The following CDH1 variants were observed in gnomAD, a reference collection of about 807,000 sequenced individuals.
CDH1 encodes the protein cadherin-1.
Under a neutral mutation model 84.5 loss-of-function variants are expected in CDH1, and 35 were observed. The ratio of observed to expected loss-of-function variants is 0.41; its 90% CI spans 0.32 to 0.55. The LOEUF is 0.55. CDH1 is among the 20% of genes least tolerant of loss of function. The probability of loss-of-function intolerance (pLI) is 0.19; values close to 1 mark genes in which losing one functional copy is unlikely to be tolerated. For synonymous variants in CDH1, 417 were observed against 439.0 expected (o/e 0.95, Z 0.63); for missense variants, 994 against 1,126.6 (o/e 0.88, Z 1.68).
rs1959600454 is a variant in CDH1 at position 68,772,299 on chromosome 16, G to T, written c.164-29371G>T. Among the ~76,000 whole-genome samples the T allele has an allele frequency of 2.0e-5, 3 of 152,236 alleles. No homozygotes were observed. In the South Asian group the frequency reaches 6.2e-4, roughly 32 times the overall value. On this transcript the variant is annotated intron_variant, in intron 2 of 15. Transcript: ENST00000261769. ...CTTCGTGCCATGCATGGAAGGGCGGGGCTCCATTAGAACTTGGAAGCTTCC... is the reference window on the plus strand; with the variant it reads ...CTTCGTGCCATGCATGGAAGGGCGGTGCTCCATTAGAACTTGGAAGCTTCC...
At chr16:68,749,901 A>G (rs1214852219) in intron 2 of CDH1, among the ~76,000 whole-genome samples, 1 of 152,170 alleles carries the variant, frequency 6.6e-6, no homozygotes, top group Non-Finnish European at 1.5e-5. Flanking sequence ...TCTAAAGGAA[A>G]CGAATTCCCT....
Position 68,819,276 on chromosome 16 carries a change from T to C in CDH1, c.1566-4T>C, listed in dbSNP as rs1369028200. ...TCTAAAAGCCAGAGCTTGTCCCCGT[T>C]CAGATATCGGATTTGGAGAGACACT... On this transcript the variant is annotated splice_polypyrimidine_tract_variant and splice_region_variant and intron_variant, in intron 10 of 15. Coordinates refer to ENST00000261769, the MANE Select transcript of CDH1 (RefSeq NM_004360.5). 6.2e-7 allele frequency: 1 copy of C among 1,614,224 alleles called. No homozygotes were observed.
At chr16:68,815,837 A>G (rs1960974922) in intron 10 of CDH1, 78 bp downstream of exon 10, 1 of 1,499,284 alleles carries the variant, frequency 6.7e-7, no homozygotes, top group East Asian at 2.3e-5. Flanking sequence ...AATAATATGT[A>G]CTTCATGGCA....
intron 2 of CDH1, among the ~76,000 whole-genome samples, chr16:68,777,294 G>A (rs1597867754): frequency 6.6e-6 from 1 of 152,296 alleles, no homozygotes; most frequent in African/African-American, 2.4e-5. Context: ...TAAGTTATGT[G>A]ACCTTGGGCA....
intron 8 of CDH1, among the ~76,000 whole-genome samples, 197 bp downstream of exon 8, chr16:68,812,460 A>G (rs554007292): frequency 6.6e-6 from 1 of 152,384 alleles, no homozygotes; most frequent in South Asian, 2.1e-4. Flanking sequence ...CCTGGGGCCA[A>G]TTGGTGCAAG....
At chr16:68,774,380 C>T (rs12708889) in intron 2 of CDH1, among the ~76,000 whole-genome samples, 42,601 of 151,920 alleles carry the variant, frequency 0.28, 6,083 homozygotes, top group Middle Eastern at 0.33. Flanking sequence ...ATTAGCTGGG[C>T]GTGGCGGTGG....
At chr16:68,827,935 A>G (rs1298669475) in intron 13 of CDH1, among the ~76,000 whole-genome samples, 1 of 152,140 alleles carries the variant, frequency 6.6e-6, no homozygotes, top group Non-Finnish European at 1.5e-5. Flanking sequence ...TTTAAAACCC[A>G]TCTGAAAGTT....
chr16:68,798,776 G>C (rs1960425828), intron 2 of CDH1, among the ~76,000 whole-genome samples: 1 of 152,112 alleles, frequency 6.6e-6, no homozygotes, highest in South Asian at 2.1e-4. Flanking sequence ...TACTTCTGCT[G>C]GGGGTGGGGG....
intron 2 of CDH1, among the ~76,000 whole-genome samples, chr16:68,765,864 G>A (rs993498064): frequency 4.6e-5 from 7 of 151,856 alleles, no homozygotes; most frequent in African/African-American, 1.5e-4. Context: ...TCAAATAATC[G>A]AAGACCCTTC....
At chr16:68,787,416 T>G (rs925840044) in intron 2 of CDH1, among the ~76,000 whole-genome samples, 1 of 152,104 alleles carries the variant, frequency 6.6e-6, no homozygotes, top group Non-Finnish European at 1.5e-5. Context: ...AACATAGGAG[T>G]CAATGTAAAG....
At position 68,738,338 on chromosome 16, in the gene CDH1, T is replaced by C. The variant is rs1555509766; in HGVS notation, c.90T>C (p.Pro30=). 4 of 1,548,720 alleles carry C rather than the reference T, an allele frequency of 2.6e-6. No individual in the cohort carries two copies. The South Asian group carries it at 3.6e-5, about 14-fold the overall frequency. The change falls in exon 2 of 16, where the codon CCT becomes CCC. Residue 30 remains proline, a synonymous_variant. Coordinates refer to ENST00000261769, the MANE Select transcript of CDH1 (RefSeq NM_004360.5). ...GCCAGGAGCCGGAGCCCTGCCACCC[T>C]GGCTTTGACGCCGAGAGCTACACGT... The part of the protein sequence containing the change: ...WLCQEPEPCH[P]GFDAESYTFT...
intron 9 of CDH1, among the ~76,000 whole-genome samples, chr16:68,813,814 C>G (rs1960911520): frequency 6.6e-6 from 1 of 152,100 alleles, no homozygotes; most frequent in Non-Finnish European, 1.5e-5. Flanking sequence ...TGCCTGTAAT[C>G]TCAGCTACTA....
chr16:68,813,761 G>A (rs561716031), intron 9 of CDH1, among the ~76,000 whole-genome samples: 1 of 152,218 alleles, frequency 6.6e-6, no homozygotes, highest in East Asian at 1.9e-4. Flanking sequence ...AGGAGTTTGA[G>A]TCTCTGCTAA....
At chr16:68,826,170 G>A (rs1173611799) in intron 13 of CDH1, among the ~76,000 whole-genome samples, 1 of 151,596 alleles carries the variant, frequency 6.6e-6, no homozygotes, top group African/African-American at 2.4e-5. Flanking sequence ...TTTTTAAATA[G>A]GATTACCTAA....
chr16:68,783,198 AC>A (rs1191903096), intron 2 of CDH1, among the ~76,000 whole-genome samples: 2 of 151,906 alleles, frequency 1.3e-5, no homozygotes, highest in African/African-American at 4.8e-5. Flanking sequence ...GGAGTTCGAG[AC>A]CAGCCTGGGT....
At chr16:68,829,937 CTTT>C (rs1270653071) in intron 15 of CDH1, 140 bp downstream of exon 15, 19 of 741,430 alleles carry the variant, frequency 2.6e-5, no homozygotes, top group Non-Finnish European at 3.3e-5. Context: ...CCCTGTTTTC[CTTT>C]TTCTTTTTTT....
chr16:68,793,268 G>T (rs1487462000), intron 2 of CDH1, among the ~76,000 whole-genome samples: 1 of 152,194 alleles, frequency 6.6e-6, no homozygotes, highest in East Asian at 1.9e-4. Context: ...TTTTGAAACT[G>T]GAGTATAGTG....
At chr16:68,817,910 G>A (rs1041711496) in intron 10 of CDH1, among the ~76,000 whole-genome samples, 4 of 151,902 alleles carry the variant, frequency 2.6e-5, no homozygotes, top group East Asian at 1.9e-4. Context: ...CCATATATTC[G>A]ACAATAGAAT....
chr16:68,829,532 A>G, intron 14 of CDH1, 122 bp from the exon 15 acceptor site: 4 of 992,806 alleles, frequency 4.0e-6, no homozygotes, highest in Non-Finnish European at 6.2e-6. Context: ...TTAAACTGGT[A>G]AAGATCATAC....
Sources: gnomAD v4.1 joint callset for allele counts (sites outside exome capture counted in the v4.1 genomes callset) on GRCh38, gnomAD v4.1.1 for gene constraint, MANE v1.5 for transcripts, NCBI Gene and HGNC (gene_info 2026-07-23, HGNC 2026-07-21) for gene names.